Variants in VWF observed in about 807,000 individuals in gnomAD.
The protein encoded by VWF is Factor VIII related antigen.
In VWF, 176 loss-of-function variants were observed where a neutral mutation model predicts 308.6. The observed-to-expected ratio is 0.57, with a 90% CI of 0.50 to 0.65. VWF has a LOEUF of 0.65. Among genes scored for constraint, VWF ranks in the 30% least tolerant of loss-of-function variants. The pLI, the probability that VWF is intolerant of heterozygous loss-of-function variation, is 0.00. For missense variants in VWF, 3,146 were observed against 3,648.2 expected (o/e 0.86, Z 3.55); for synonymous variants, 1,385 against 1,443.4 (o/e 0.96, Z 0.92).
At chr12:6,009,769 A>G (rs539229574) in intron 34 of VWF, among the ~76,000 whole-genome samples, 3 of 152,350 alleles carry the variant, frequency 2.0e-5, no homozygotes, top group African/African-American at 7.2e-5. Context: ...AATGTGGTAT[A>G]TACATGCAAT....
chr12:6,079,772 C>G (rs1944887666), intron 6 of VWF, among the ~76,000 whole-genome samples: 2 of 152,092 alleles, frequency 1.3e-5, no homozygotes, highest in Non-Finnish European at 2.9e-5. Context: ...ATATAAAATG[C>G]AAGTCTAACT....
chr12:5,984,498 T>G (rs1328134885), intron 40 of VWF, among the ~76,000 whole-genome samples: 1 of 152,274 alleles, frequency 6.6e-6, no homozygotes, highest in Non-Finnish European at 1.5e-5. Flanking sequence ...GCTTTAGGTC[T>G]TCATCTGTAC....
chr12:6,124,229 A>G (rs1227685022), intron 1 of VWF, among the ~76,000 whole-genome samples, 192 bp downstream of exon 1: 2 of 152,222 alleles, frequency 1.3e-5, no homozygotes, highest in Non-Finnish European at 2.9e-5. Context: ...GCATGAAGAA[A>G]AGCAGCCCCA....
At chr12:6,095,391 G>A (rs367631927) in intron 6 of VWF, 69 bp downstream of exon 6, 4 of 1,610,426 alleles carry the variant, frequency 2.5e-6, no homozygotes, top group Non-Finnish European at 1.7e-6. Context: ...ATATGAGACT[G>A]AGTCCTTCTG....
chr12:5,961,787 C>CA (rs1015531569), intron 47 of VWF, among the ~76,000 whole-genome samples: 19 of 151,574 alleles, frequency 1.3e-4, no homozygotes, highest in East Asian at 3.9e-4. Flanking sequence ...TGCATCTACA[C>CA]AAAAAAAATC....
intron 48 of VWF, among the ~76,000 whole-genome samples, chr12:5,953,097 C>A (rs1241780701): frequency 6.6e-6 from 1 of 152,052 alleles, no homozygotes; most frequent in Non-Finnish European, 1.5e-5. Context: ...TGTGGTGGCA[C>A]GTGCCTGCAG....
Position 6,046,020 on chromosome 12 carries a change from C to A in VWF, c.2281+703G>T, listed in dbSNP as rs1944443374. ...GGCAGATCACTTGAGGTCAGGAGTT[C>A]AAGACCAGCCTGGCCAACATGGCAA... is the stretch of plus-strand genomic sequence containing the variant. On this transcript the variant is annotated intron_variant, in intron 17 of 51. Coordinates refer to ENST00000261405, the MANE Select transcript of VWF (RefSeq NM_000552.5). The surrounding 1 kb of genome is among the most constrained non-coding windows in gnomAD (Gnocchi z 5.0). Among the ~76,000 whole-genome samples the A allele has an allele frequency of 6.6e-6, 1 of 152,126 alleles. No individual in the cohort carries two copies. The highest frequency in any genetic ancestry group is 2.4e-5 in the African/African-American group (1 of 41,430).
chr12:6,102,217 G>A (rs940623730), intron 5 of VWF, among the ~76,000 whole-genome samples: 45 of 152,204 alleles, frequency 3.0e-4, no homozygotes, highest in Admixed American at 9.2e-4. Context: ...CGAGGTGGGC[G>A]GACCACTTGA....
At chr12:6,009,426 AACACACACACACACACACACAC>A (rs3062550) in intron 34 of VWF, among the ~76,000 whole-genome samples, 1 of 146,530 alleles carries the variant, frequency 6.8e-6, no homozygotes, top group African/African-American at 2.5e-5. Context: ...GCCATTATCA[AACACACACACACACACACACAC>A]ACACACACAC....
intron 2 of VWF, 119 bp from the exon 3 acceptor site, chr12:6,121,457 A>C: frequency 5.4e-6 from 7 of 1,290,450 alleles, no homozygotes; most frequent in Non-Finnish European, 7.6e-6. Context: ...GGCTGTGGGG[A>C]GGTATTTTCC....
chr12:5,990,028 C>A (rs1943720473), intron 38 of VWF, among the ~76,000 whole-genome samples: 1 of 152,202 alleles, frequency 6.6e-6, no homozygotes, highest in Admixed American at 6.5e-5. Context: ...TATCACAGAA[C>A]AGGCAATTAC....
rs762250299 is a variant in VWF at position 6,060,586 on chromosome 12, TAAAGAA to T, written c.1533+2362_1533+2367del. On this transcript the variant is annotated intron_variant, in intron 13 of 51. Coordinates refer to ENST00000261405, the MANE Select transcript of VWF (RefSeq NM_000552.5). This position sits in a 1 kb window ranked among gnomAD's most constrained non-coding sequence, Gnocchi z 5.1. Reference sequence around the variant, plus strand: ...TTTCCATGAGCCCCAGGAATCTGTGTAAAGAAAAAGAAAAAAGAAAAATATATATAA... The same window carrying T: ...TTTCCATGAGCCCCAGGAATCTGTGTAAAGAAAAAAGAAAAATATATATAA... 1.3e-5 allele frequency among the ~76,000 whole-genome samples: 2 copies of T among 151,892 alleles called. No homozygotes were observed. Among genetic ancestry groups the T allele is most frequent in the Non-Finnish European group, 2.9e-5 (2 of 67,958 alleles).
Position 6,022,779 on chromosome 12 carries a change from C to A in VWF, c.3499G>T (p.Val1167Leu), listed in dbSNP as rs1320598387. ...CQHPEPLACP[V>L]QCVEGCHAHC... ...GCATGGCAGCCCTCCACACACTGCA[C>A]AGGGCAGGCCAGTGGCTCAGGGTGC... Residue 1167 changes from valine (V) to leucine (L), a missense_variant, in exon 26 of 52, where the codon GTG (valine) becomes TTG (leucine). Transcript: ENST00000261405. 1 of 522,618 alleles carries A rather than the reference C, an allele frequency of 1.9e-6. No individual in the cohort carries two copies. The highest frequency in any genetic ancestry group is 3.9e-5 in the Admixed American group (1 of 25,360). The allele number at this position is 522,618 out of a possible 1,614,324, so 32.4% of individuals were successfully genotyped here. A position where few individuals can be genotyped will look rare whatever the true frequency, so the allele number is the denominator to read the frequency against.
intron 5 of VWF, among the ~76,000 whole-genome samples, chr12:6,099,073 A>G (rs1370915866): frequency 6.6e-6 from 1 of 151,972 alleles, no homozygotes; most frequent in African/African-American, 2.4e-5. Context: ...TAATTCTTGC[A>G]CTTTGGGAGG....
chr12:6,063,179 G>A lies in VWF; in HGVS notation c.1433-125C>T, dbSNP rs1387935117. 4.2e-5 allele frequency: 34 copies of A among 806,706 alleles called. 2 individuals carry two copies. The highest frequency in any genetic ancestry group is 8.8e-5 in the South Asian group (6 of 68,092). 50.0% of individuals were successfully genotyped at this position (806,706 alleles called of 1,614,324 possible). ...GTAGCACTGAAGAGCAATGACTTAGGGGCAGATGGGGTGGCCATGAGGTTT... is the reference window on the plus strand; with the variant it reads ...GTAGCACTGAAGAGCAATGACTTAGAGGCAGATGGGGTGGCCATGAGGTTT... On this transcript the variant is annotated intron_variant, in intron 12 of 51. Coordinates refer to ENST00000261405, the MANE Select transcript of VWF (RefSeq NM_000552.5). The surrounding 1 kb of genome is among the most constrained non-coding windows in gnomAD (Gnocchi z 4.9).
At chr12:5,984,681 T>C (rs1943657973) in intron 40 of VWF, among the ~76,000 whole-genome samples, 1 of 152,246 alleles carries the variant, frequency 6.6e-6, no homozygotes, top group South Asian at 2.1e-4. Flanking sequence ...CCTGCTGAAC[T>C]CAAGGTGCCC....
In VWF at chr12:6,075,999, G is replaced by A. The variant is rs1944839309; in HGVS notation, c.658-448C>T. On this transcript the variant is annotated intron_variant, in intron 6 of 51. Coordinates refer to ENST00000261405, the MANE Select transcript of VWF (RefSeq NM_000552.5). The surrounding 1 kb of genome is among the most constrained non-coding windows in gnomAD (Gnocchi z 4.7). ...ATGAATGAGGGGGATGGGACAAGGGGCTTTATAGAGATTTCTGGGTCTCAC... is the reference window on the plus strand; with the variant it reads ...ATGAATGAGGGGGATGGGACAAGGGACTTTATAGAGATTTCTGGGTCTCAC... Among the ~76,000 whole-genome samples the A allele has an allele frequency of 1.3e-5, 2 of 152,152 alleles. No homozygotes were observed. Among genetic ancestry groups the A allele is most frequent in the Admixed American group, 1.3e-4 (2 of 15,286 alleles).
chr12:5,978,799 T>C (rs1221622364), intron 42 of VWF, among the ~76,000 whole-genome samples: 1 of 152,210 alleles, frequency 6.6e-6, no homozygotes, highest in Non-Finnish European at 1.5e-5. Context: ...ATAAATATTC[T>C]TGGCACCCAG....
chr12:6,110,393 A>G lies in VWF; in HGVS notation c.513T>C (p.Asp171=), dbSNP rs1266321279. ...TCTTACCTTCTTGGGTCATAAAGTC[A>G]TCTTCAGCAAAGATGTTAAAGTTGC... ...LCGNFNIFAE[D]DFMTQEGTLT... is the part of the protein sequence containing the mutation. Residue 171 remains aspartate (D), a synonymous_variant, in exon 5 of 52, where the codon GAT becomes GAC. Coordinates refer to ENST00000261405, the MANE Select transcript of VWF (RefSeq NM_000552.5). The G allele has an allele frequency of 6.2e-7, 1 of 1,614,086 alleles. No individual in the cohort carries two copies. The highest frequency in any genetic ancestry group is 2.2e-5 in the East Asian group (1 of 44,898).
Sources: allele counts gnomAD v4.1 joint callset (sites outside exome capture counted in the v4.1 genomes callset), GRCh38; gene constraint gnomAD v4.1.1; non-coding constraint Gnocchi (gnomAD v3.1); transcripts MANE v1.5; gene names NCBI Gene and HGNC (gene_info 2026-07-23, HGNC 2026-07-21).